Variants in ESPNL observed in about 807,000 individuals in gnomAD.
ESPNL encodes the protein espin-like protein.
ESPNL carries 49 observed loss-of-function variants against 46.8 expected under a neutral mutation model. The ratio of observed to expected loss-of-function variants is 1.05; its 90% CI spans 0.83 to 1.33. The LOEUF is 1.33. Ranked by LOEUF, ESPNL falls within the 40% of genes most tolerant of loss-of-function variation. ESPNL has a pLI of 0.00. For missense variants in ESPNL, 1,540 were observed against 1,436.6 expected (o/e 1.07, Z -1.16); for synonymous variants, 664 against 662.1 (o/e 1.00, Z -0.04).
rs1692289823 is a variant in ESPNL at position 238,130,606 on chromosome 2, A to C, written c.1892A>C (p.Glu631Ala). The C allele has an allele frequency of 1.3e-6, 2 of 1,566,332 alleles. No individual in the cohort carries two copies. Among genetic ancestry groups the C allele is most frequent in the Admixed American group, 3.8e-5 (2 of 52,708 alleles). ...CGGCCCCTGCAGGACACCTGCAGGG[A>C]GGCCTCGGCCAGCCCCCCTCGGAGC... ...STRPLQDTCREASASPPRSEA... is the reference protein window; with the variant it reads ...STRPLQDTCRAASASPPRSEA... Residue 631 changes from glutamate (E) to alanine (A), a missense_variant, in exon 9 of 9, where the codon GAG (glutamate) becomes GCG (alanine). By Grantham distance (107) the Glu-to-Ala change is moderately radical (BLOSUM62 -1). Coordinates refer to ENST00000343063, the MANE Select transcript of ESPNL (RefSeq NM_194312.4).
At chr2:238,113,165 A>G (rs1167771233) in intron 4 of ESPNL, among the ~76,000 whole-genome samples, 1 of 152,184 alleles carries the variant, frequency 6.6e-6, no homozygotes, top group Non-Finnish European at 1.5e-5. Context: ...TGATATATGT[A>G]TACACATGAC....
chr2:238,127,805 G>T (rs998490681), intron 7 of ESPNL, 71 bp downstream of exon 7: 3 of 1,169,268 alleles, frequency 2.6e-6, no homozygotes, highest in Non-Finnish European at 3.7e-6. Flanking sequence ...CCTCTTAGGG[G>T]CCCAGAGAAG....
rs540303616 is a variant in ESPNL, at chr2:238,126,567, TTG to T, written c.1103-1047_1103-1046del. Among the ~76,000 whole-genome samples, 132 of 93,362 alleles carry T rather than the reference TTG, an allele frequency of 1.4e-3. 1 individual carries two copies. Among genetic ancestry groups the T allele is most frequent in the African/African-American group, 3.5e-3 (110 of 31,170 alleles). 61.2% of individuals were successfully genotyped at this position (93,362 alleles called of 152,430 possible). A position where few individuals can be genotyped will look rare whatever the true frequency, so the allele number is the denominator to read the frequency against. ...CCTGTGTGTATCTGTGTGATTGTGT[TTG>T]TGTGTGTCTGTGATTGTGTCTGTGT... On this transcript the variant is annotated intron_variant, in intron 6 of 8. Coordinates refer to ENST00000343063, the MANE Select transcript of ESPNL (RefSeq NM_194312.4).
chr2:238,104,897 CA>C, intron 3 of ESPNL, 55 bp downstream of exon 3: 1 of 1,368,832 alleles, frequency 7.3e-7, no homozygotes, highest in Non-Finnish European at 9.5e-7. Context: ...GGCCCTCCAG[CA>C]AGCAGAGCCT....
chr2:238,117,172 G>A (rs2106470507), intron 5 of ESPNL, 138 bp downstream of exon 5: 3 of 1,240,318 alleles, frequency 2.4e-6, no homozygotes, highest in Middle Eastern at 2.8e-4. Flanking sequence ...TTGGAGCCAG[G>A]AGCAAGGGCC....
At chr2:238,104,901 C>A in intron 3 of ESPNL, 59 bp downstream of exon 3, 1 of 1,366,342 alleles carries the variant, frequency 7.3e-7, no homozygotes, top group Non-Finnish European at 9.6e-7. Flanking sequence ...CTCCAGCAAG[C>A]AGAGCCTGGA....
In ESPNL at chr2:238,131,084, G is replaced by T. The variant is rs1348475933; in HGVS notation, c.2370G>T (p.Glu790Asp). The T allele has an allele frequency of 1.3e-6, 2 of 1,541,218 alleles. No individual in the cohort carries two copies. Among genetic ancestry groups the T allele is most frequent in the Non-Finnish European group, 1.7e-6 (2 of 1,145,142 alleles). ...RSPGPPSPPS[E>D]GPRLGHLWQQ... ...CTGGGCCACCCTCCCCGCCCAGCGAGGGCCCCCGGCTGGGCCACCTGTGGC... is the reference window on the plus strand; with the variant it reads ...CTGGGCCACCCTCCCCGCCCAGCGATGGCCCCCGGCTGGGCCACCTGTGGC... Residue 790 changes from glutamate to aspartate, a missense_variant, in exon 9 of 9, where the codon GAG (glutamate) becomes GAT (aspartate). By Grantham distance (45) the Glu-to-Asp change is conservative (BLOSUM62 2). Transcript: ENST00000343063.
At chr2:238,108,336 G>T (rs1691645535) in intron 4 of ESPNL, among the ~76,000 whole-genome samples, 1 of 152,170 alleles carries the variant, frequency 6.6e-6, no homozygotes, top group South Asian at 2.1e-4. Flanking sequence ...CAGCCCCTTT[G>T]CTATTACCCA....
At chr2:238,127,412 A>G (rs1256429683) in intron 6 of ESPNL, 4 of 1,327,584 alleles carry the variant, frequency 3.0e-6, no homozygotes, top group Non-Finnish European at 1.9e-6. Context: ...AGGCTCTCCC[A>G]TCGACCAGGC....
chr2:238,103,158 C>G (rs1691523910), intron 2 of ESPNL, among the ~76,000 whole-genome samples: 1 of 152,224 alleles, frequency 6.6e-6, no homozygotes, highest in South Asian at 2.1e-4. Context: ...CACAGTGGCT[C>G]ATGCCTGTAA....
At chr2:238,128,636 C>A in intron 7 of ESPNL, 71 bp from the exon 8 acceptor site, 1 of 1,472,694 alleles carries the variant, frequency 6.8e-7, no homozygotes, top group Non-Finnish European at 9.2e-7. Flanking sequence ...CCCCCACGTC[C>A]TCTCGGATCT....
intron 5 of ESPNL, among the ~76,000 whole-genome samples, chr2:238,124,230 C>A (rs1023608742): frequency 6.6e-6 from 1 of 152,234 alleles, no homozygotes; most frequent in African/African-American, 2.4e-5. Flanking sequence ...GACCCTGGAG[C>A]CCTGATGGCC....
chr2:238,116,779 C>T lies in ESPNL; in HGVS notation c.856-124C>T, dbSNP rs1450099545. The T allele has an allele frequency of 4.7e-6, 6 of 1,283,674 alleles. No individual in the cohort carries two copies. In the East Asian group the frequency reaches 1.2e-4, roughly 26 times the overall value. The allele number at this position is 1,283,674 out of a possible 1,614,324, so 79.5% of individuals were successfully genotyped here. A position where few individuals can be genotyped will look rare whatever the true frequency, so the allele number is the denominator to read the frequency against. The stretch of plus-strand genomic sequence containing the variant: ...CCCACGGCCCAGATTCAAGTCCTGC[C>T]CCTGCTGGGAAGGGCATCAGGGCAG... On this transcript the variant is annotated intron_variant, in intron 4 of 8. Transcript: ENST00000343063.
rs76766612 is a variant in ESPNL at position 238,101,803 on chromosome 2, G to C, written c.295-138G>C. On this transcript the variant is annotated intron_variant, in intron 1 of 8. Transcript: ENST00000343063. The stretch of plus-strand genomic sequence containing the variant: ...CTCCCTCCATGTTGCAGGCAGAAAC[G>C]GAGGGAAGGAGGAAGGAGCTGGAAG... 8.2e-3 allele frequency: 5,000 copies of C among 609,048 alleles called. 178 individuals carry two copies. The African/African-American group carries it at 0.084, about 10-fold the overall frequency. 37.7% of individuals were successfully genotyped at this position (609,048 alleles called of 1,614,324 possible).
chr2:238,109,364 C>T (rs1358906537), intron 4 of ESPNL, among the ~76,000 whole-genome samples: 1 of 152,240 alleles, frequency 6.6e-6, no homozygotes, highest in Admixed American at 6.5e-5. Context: ...AAAACAGAGA[C>T]TTCTTCCCTT....
At position 238,127,603 on chromosome 2, in the gene ESPNL, C is replaced by A. The variant is rs1324167767; in HGVS notation, c.1103-19C>A. ...CCCAGCCCTTGCCCTTTCTGCAACA[C>A]CCTTCTTCTTCTTGGCAGCCATGTC... On this transcript the variant is annotated intron_variant, in intron 6 of 8. Transcript: ENST00000343063. 2 of 1,584,568 alleles carry A rather than the reference C, an allele frequency of 1.3e-6. No homozygotes were observed. The highest frequency in any genetic ancestry group is 2.3e-5 in the East Asian group (1 of 43,702).
rs57813708 is a variant in ESPNL at position 238,130,271 on chromosome 2, T to C, written c.1557T>C (p.Leu519=). 0.25 allele frequency: 396,657 copies of C among 1,606,648 alleles called. 49,964 individuals carry two copies. Among genetic ancestry groups the C allele is most frequent in the African/African-American group, 0.32 (24,004 of 74,898 alleles). ...YLEKQIADLQ[L]RRRCQEYESE... Reference sequence around the variant, plus strand: ...AGAAGCAGATTGCAGACCTGCAGCTTCGGCGCCGCTGTCAGGAGTATGAGA... The same window carrying C: ...AGAAGCAGATTGCAGACCTGCAGCTCCGGCGCCGCTGTCAGGAGTATGAGA... Residue 519 remains leucine (L), a synonymous_variant, in exon 9 of 9, where the codon CTT becomes CTC. Coordinates refer to ENST00000343063, the MANE Select transcript of ESPNL (RefSeq NM_194312.4).
chr2:238,107,712 A>G (rs1292968360), intron 3 of ESPNL, 79 bp from the exon 4 acceptor site: 16 of 1,384,084 alleles, frequency 1.2e-5, no homozygotes, highest in Admixed American at 2.3e-5. Context: ...GTCCACTTTC[A>G]CTTCTGCTCC....
intron 6 of ESPNL, among the ~76,000 whole-genome samples, 176 bp downstream of exon 6, chr2:238,125,560 A>G (rs1361451809): frequency 2.6e-5 from 4 of 152,260 alleles, no homozygotes; most frequent in Admixed American, 2.0e-4. Context: ...CTTTGGAAAC[A>G]TGAGGATTAG....
Sources: gnomAD v4.1 joint callset for allele counts (sites outside exome capture counted in the v4.1 genomes callset) on GRCh38, gnomAD v4.1.1 for gene constraint, MANE v1.5 for transcripts, NCBI Gene and HGNC (gene_info 2026-07-23, HGNC 2026-07-21) for gene names.